The following ADARB2 variants were observed in gnomAD, a reference collection of about 807,000 sequenced individuals.
ADARB2 encodes the protein adenosine deaminase RNA specific B2 (inactive).
ADARB2 carries 25 observed loss-of-function variants against 62.2 expected under a neutral mutation model. The ratio of observed to expected loss-of-function variants is 0.40; its 90% CI spans 0.29 to 0.56. The LOEUF is 0.56. Among genes scored for constraint, ADARB2 ranks in the 20% least tolerant of loss-of-function variants. ADARB2 has a pLI of 0.43. For synonymous variants in ADARB2, 572 were observed against 500.8 expected (o/e 1.14, Z -1.90); for missense variants, 1,071 against 1,077.4 (o/e 0.99, Z 0.08).
chr10:1,707,529 T>C (rs897577773), intron 1 of ADARB2, among the ~76,000 whole-genome samples: 2 of 152,172 alleles, frequency 1.3e-5, no homozygotes, highest in Non-Finnish European at 2.9e-5. Context: ...AAATTAATCT[T>C]GTTACTTGAT....
At chr10:1,338,800 C>T (rs899550583) in intron 3 of ADARB2, among the ~76,000 whole-genome samples, 4 of 152,164 alleles carry the variant, frequency 2.6e-5, no homozygotes, top group African/African-American at 9.7e-5. Flanking sequence ...CATCAGCCAC[C>T]AGGTTCCAGG....
intron 1 of ADARB2, among the ~76,000 whole-genome samples, chr10:1,522,528 A>T (rs1056815233): frequency 2.0e-5 from 3 of 152,102 alleles, no homozygotes; most frequent in Non-Finnish European, 2.9e-5. Context: ...CCCAGATGCC[A>T]CCTTCTGTCT....
chr10:1,653,261 C>T (rs546748376), intron 1 of ADARB2, among the ~76,000 whole-genome samples: 1 of 152,244 alleles, frequency 6.6e-6, no homozygotes, highest in African/African-American at 2.4e-5. Context: ...GCCTGGGGTC[C>T]CAGTCATGGC....
At chr10:1,262,299 A>AATAAT (rs1344495338) in intron 4 of ADARB2, among the ~76,000 whole-genome samples, 3 of 144,480 alleles carry the variant, frequency 2.1e-5, no homozygotes, top group Non-Finnish European at 4.5e-5. Flanking sequence ...TAATAATAAT[A>AATAAT]ATAATAATAA....
At position 1,245,369 on chromosome 10, in the gene ADARB2, TGC is replaced by T. The variant is rs1276504824; in HGVS notation, c.1193-3072_1193-3071del. 5.3e-5 allele frequency among the ~76,000 whole-genome samples: 8 copies of T among 152,272 alleles called. No individual in the cohort carries two copies. The East Asian group carries it at 1.5e-3, about 29-fold the overall frequency. On this transcript the variant is annotated intron_variant, in intron 4 of 9. Coordinates refer to ENST00000381312, the MANE Select transcript of ADARB2 (RefSeq NM_018702.4). ...TTTTATTATACTTTAAGTTTTAGGG[TGC>T]ACATGTGCACAACGTGCAGGTTAGT... is the stretch of plus-strand genomic sequence containing the variant.
intron 1 of ADARB2, among the ~76,000 whole-genome samples, chr10:1,568,544 AAAAG>A (rs965152376): frequency 9.9e-5 from 15 of 152,088 alleles, no homozygotes; most frequent in African/African-American, 2.2e-4. Context: ...AAGAAGAAAG[AAAAG>A]AAAGAAAGAA....
At chr10:1,592,246 C>T (rs1175046271) in intron 1 of ADARB2, among the ~76,000 whole-genome samples, 1 of 152,160 alleles carries the variant, frequency 6.6e-6, no homozygotes, top group Non-Finnish European at 1.5e-5. Flanking sequence ...TCCCCTCTGT[C>T]ACCCAGCTCC....
intron 5 of ADARB2, among the ~76,000 whole-genome samples, chr10:1,234,405 C>G (rs539811701): frequency 2.6e-5 from 4 of 152,322 alleles, no homozygotes; most frequent in South Asian, 2.1e-4. Context: ...ACCCTGCTTT[C>G]TTACCCCCGC....
At chr10:1,657,717 C>T (rs531990421) in intron 1 of ADARB2, among the ~76,000 whole-genome samples, 8 of 152,294 alleles carry the variant, frequency 5.3e-5, no homozygotes, top group Middle Eastern at 3.4e-3. Context: ...TGCTGGAATC[C>T]GAGAGCCAGG....
intron 6 of ADARB2, among the ~76,000 whole-genome samples, chr10:1,227,235 C>T (rs984758118): frequency 2.0e-4 from 30 of 152,224 alleles, no homozygotes; most frequent in Non-Finnish European, 2.4e-4. Context: ...CCTGGTATGC[C>T]ATTTTTTAAG....
At chr10:1,234,078 C>T (rs979947895) in intron 5 of ADARB2, among the ~76,000 whole-genome samples, 11 of 145,642 alleles carry the variant, frequency 7.6e-5, no homozygotes, top group African/African-American at 2.8e-4. Context: ...TCAAGCAATT[C>T]TTCTGCCTTG....
rs115617188 is a variant in ADARB2 at position 1,662,868 on chromosome 10, G to A, written c.100+74183C>T. Among the ~76,000 whole-genome samples the A allele has an allele frequency of 3.4e-3, 523 of 152,314 alleles. 4 individuals are homozygous for A. The highest frequency in any genetic ancestry group is 0.012 in the African/African-American group (490 of 41,570). ...GAAGCACTGGCTCCTGACGGGCAGC[G>A]GCCACCTCTGCTCTGGTTTCTACGG... On this transcript the variant is annotated intron_variant, in intron 1 of 9. Transcript: ENST00000381312.
At position 1,607,228 on chromosome 10, in the gene ADARB2, C is replaced by T. The variant is rs367633190; in HGVS notation, c.100+129823G>A. On this transcript the variant is annotated intron_variant, in intron 1 of 9. Transcript: ENST00000381312. ...GGGCAGAAGTTGGGCTTCCCCTGGC[C>T]GAGGTCTCCGAGGGCTGAGCTGCCC... Among the ~76,000 whole-genome samples, 18 of 152,294 alleles carry T rather than the reference C, an allele frequency of 1.2e-4. No individual in the cohort carries two copies. In the South Asian group the frequency reaches 1.9e-3, roughly 16 times the overall value.
chr10:1,235,348 G>C (rs1252224142), intron 5 of ADARB2, among the ~76,000 whole-genome samples: 1 of 110,122 alleles, frequency 9.1e-6, no homozygotes, highest in Admixed American at 9.7e-5. Flanking sequence ...CTCTCTGATG[G>C]TGAATGATTT....
intron 1 of ADARB2, among the ~76,000 whole-genome samples, chr10:1,546,171 A>G (rs1320380068): frequency 6.6e-6 from 1 of 152,034 alleles, no homozygotes; most frequent in Non-Finnish European, 1.5e-5. Context: ...TTTCCCACAC[A>G]TGGTTACATT....
chr10:1,480,147 T>C (rs184618328), intron 1 of ADARB2, among the ~76,000 whole-genome samples: 7 of 152,102 alleles, frequency 4.6e-5, no homozygotes, highest in Admixed American at 4.6e-4. Context: ...AGAAAGATAC[T>C]TTACCACTTT....
chr10:1,592,002 G>A (rs1003242323), intron 1 of ADARB2, among the ~76,000 whole-genome samples: 3 of 152,200 alleles, frequency 2.0e-5, no homozygotes, highest in Admixed American at 6.5e-5. Flanking sequence ...CAGGGGTTCC[G>A]GCTCTACGGC....
chr10:1,599,393 A>C (rs1833378826), intron 1 of ADARB2, among the ~76,000 whole-genome samples: 1 of 152,232 alleles, frequency 6.6e-6, no homozygotes, highest in Non-Finnish European at 1.5e-5. Flanking sequence ...TGTCACTTTG[A>C]CCTGCAAGCA....
chr10:1,534,742 G>A (rs1490531683), intron 1 of ADARB2: 16 of 166,196 alleles, frequency 9.6e-5, no homozygotes. Flanking sequence ...GAGGTGTCCA[G>A]ATCATTGTGA....
Sources: allele counts gnomAD v4.1 joint callset (sites outside exome capture counted in the v4.1 genomes callset), GRCh38; gene constraint gnomAD v4.1.1; transcripts MANE v1.5; gene names NCBI Gene and HGNC (gene_info 2026-07-23, HGNC 2026-07-21).